TLR10: variants seen among roughly 807,000 people sequenced by gnomAD.
TLR10 encodes the protein toll like receptor 10, also known as toll-like receptor 10.
For synonymous variants in TLR10, 288 were observed against 338.8 expected (o/e 0.85, Z 1.65); for missense variants, 929 against 932.9 (o/e 1.00, Z 0.05).
intron 1 of TLR10, among the ~76,000 whole-genome samples, chr4:38,782,228 G>T (rs1725455054): frequency 6.6e-6 from 1 of 152,176 alleles, no homozygotes; most frequent in South Asian, 2.1e-4. Context: ...TCTGCTAGGT[G>T]CCACAAAGTT....
chr4:38,773,426 G>C lies in TLR10; in HGVS notation c.2165C>G (p.Ser722Cys). The C allele has an allele frequency of 6.2e-7, 1 of 1,612,608 alleles. No individual in the cohort carries two copies. The highest frequency in any genetic ancestry group is 8.5e-7 in the Non-Finnish European group (1 of 1,179,516). ...FAHHNLFHEN[S>C]DHIILILLEP... ...CAGTAAGATAAGAATTATATGATCAGAATTTTCATGGAAGAGATTGTGGTG... is the reference window on the plus strand; with the variant it reads ...CAGTAAGATAAGAATTATATGATCACAATTTTCATGGAAGAGATTGTGGTG... The change falls in exon 4 of 4, where the codon TCT becomes TGT. Residue 722 changes from serine (S) to cysteine (C), a missense_variant. Coordinates refer to ENST00000308973, the MANE Select transcript of TLR10 (RefSeq NM_030956.4).
At chr4:38,780,236 A>C (rs1360825622) in intron 1 of TLR10, among the ~76,000 whole-genome samples, 1 of 151,890 alleles carries the variant, frequency 6.6e-6, no homozygotes, top group African/African-American at 2.4e-5. Context: ...CCCTGTCTCT[A>C]CTAAAAAAAT....
intron 1 of TLR10, among the ~76,000 whole-genome samples, chr4:38,776,922 C>T (rs977407858): frequency 6.6e-6 from 1 of 152,136 alleles, no homozygotes; most frequent in Non-Finnish European, 1.5e-5. Context: ...TATGTGGCAG[C>T]AGGCAAGAGA....
chr4:38,779,195 C>T (rs1725247547), intron 1 of TLR10: 1 of 152,192 alleles, frequency 6.6e-6, no homozygotes, highest in African/African-American at 2.4e-5. Flanking sequence ...ACAATGTAAA[C>T]TTGGAGAATT....
Position 38,774,682 on chromosome 4 carries a change from T to C in TLR10, c.909A>G (p.Lys303=), listed in dbSNP as rs11466652. 0.14 allele frequency: 221,795 copies of C among 1,561,530 alleles called. 17,830 individuals carry two copies. The highest frequency in any genetic ancestry group is 0.29 in the African/African-American group (20,957 of 72,628). The change falls in exon 4 of 4, where the codon AAA becomes AAG. Residue 303 remains lysine, a synonymous_variant. Coordinates refer to ENST00000308973, the MANE Select transcript of TLR10 (RefSeq NM_030956.4). ...ACACTCTGAAATGTACATGCTCCAATTTTATAGTTCTCATTACAGTATTTG... is the reference window on the plus strand; with the variant it reads ...ACACTCTGAAATGTACATGCTCCAACTTTATAGTTCTCATTACAGTATTTG... The part of the protein sequence containing the change: ...DYSNTVMRTI[K]LEHVHFRVFY...
rs775170964 is a variant in TLR10 at position 38,782,773 on chromosome 4, C to T, written c.-569+148G>A. ...AGCCCCAAGGTCACTAATCATTAATCTAGACAAAATAGTAAATACTAAAAA... is the reference window on the plus strand; with the variant it reads ...AGCCCCAAGGTCACTAATCATTAATTTAGACAAAATAGTAAATACTAAAAA... On this transcript the variant is annotated intron_variant, in intron 1 of 3. Coordinates refer to ENST00000308973, the MANE Select transcript of TLR10 (RefSeq NM_030956.4). 3 of 152,352 alleles carry T rather than the reference C, an allele frequency of 2.0e-5. No homozygotes were observed. In the South Asian group the frequency reaches 6.2e-4, roughly 32 times the overall value. The allele number at this position is 152,352 out of a possible 1,614,324, so 9.4% of individuals were successfully genotyped here. A position where few individuals can be genotyped will look rare whatever the true frequency, so the allele number is the denominator to read the frequency against.
Position 38,773,043 on chromosome 4 carries a change from G to T in TLR10, c.*112C>A. On this transcript the variant is annotated 3_prime_UTR_variant, in exon 4 of 4. Coordinates refer to ENST00000308973, the MANE Select transcript of TLR10 (RefSeq NM_030956.4). ...ATCCTTCTAGAAACTGATATGAAGG[G>T]AATAACCATTTTTTATTTTAATAAA... 9.4e-7 allele frequency: 1 copy of T among 1,066,868 alleles called. No homozygotes were observed. The highest frequency in any genetic ancestry group is 1.2e-6 in the Non-Finnish European group (1 of 800,980). 66.1% of individuals were successfully genotyped at this position (1,066,868 alleles called of 1,614,324 possible). A position where few individuals can be genotyped will look rare whatever the true frequency, so the allele number is the denominator to read the frequency against.
rs1236257041 is a variant in TLR10 at position 38,774,524 on chromosome 4, G to A, written c.1067C>T (p.Ala356Val). ...YPTKFQYLNFANNILTDELFK... is the reference protein window; with the variant it reads ...YPTKFQYLNFVNNILTDELFK... ...CAACTCGTCTGTTAAGATATTATTG[G>A]CAAAATTTAAATATTGGAATTTCGT... The change falls in exon 4 of 4, where the codon GCC becomes GTC. Residue 356 changes from alanine (A) to valine (V), a missense_variant. By Grantham distance (64) the Ala-to-Val change is moderately conservative (BLOSUM62 0). Transcript: ENST00000308973. 1 of 1,583,106 alleles carries A rather than the reference G, an allele frequency of 6.3e-7. No individual in the cohort carries two copies. Among genetic ancestry groups the A allele is most frequent in the Non-Finnish European group, 8.6e-7 (1 of 1,168,628 alleles).
At chr4:38,780,894 T>C (rs1725368027) in intron 1 of TLR10, among the ~76,000 whole-genome samples, 1 of 152,162 alleles carries the variant, frequency 6.6e-6, no homozygotes, top group African/African-American at 2.4e-5. Context: ...AATGTTATCC[T>C]CTCATAGAGT....
rs1254058192 is a variant in TLR10, at chr4:38,772,945, C to T, written c.*210G>A. 5.0e-6 allele frequency: 2 copies of T among 400,904 alleles called. No homozygotes were observed. The highest frequency in any genetic ancestry group is 8.3e-6 in the Non-Finnish European group (2 of 240,580). The allele number at this position is 400,904 out of a possible 1,614,324, so 24.8% of individuals were successfully genotyped here. ...CACATTTTTCATGATTATAAACAAT[C>T]CTGGGATGAACACCTTTTTCCATAA... On this transcript the variant is annotated 3_prime_UTR_variant, in exon 4 of 4. Coordinates refer to ENST00000308973, the MANE Select transcript of TLR10 (RefSeq NM_030956.4).
intron 1 of TLR10, among the ~76,000 whole-genome samples, chr4:38,776,701 C>T (rs1278286966): frequency 6.6e-6 from 1 of 152,122 alleles, no homozygotes; most frequent in Non-Finnish European, 1.5e-5. Context: ...TTATTAAGTA[C>T]CTATTCTGCC....
intron 1 of TLR10, among the ~76,000 whole-genome samples, chr4:38,779,510 A>C (rs1725266649): frequency 1.3e-5 from 2 of 152,222 alleles, no homozygotes; most frequent in Admixed American, 6.5e-5. Context: ...AAACAGGTGA[A>C]TATTCTATTT....
At chr4:38,780,569 AATGT>A (rs1725342790) in intron 1 of TLR10, among the ~76,000 whole-genome samples, 1 of 152,164 alleles carries the variant, frequency 6.6e-6, no homozygotes, top group South Asian at 2.1e-4. Context: ...GGCATAAGAC[AATGT>A]ATGTAAGTCA....
Position 38,775,763 on chromosome 4 carries a change from T to C in TLR10, c.-63+12A>G. 1 of 614,756 alleles carries C rather than the reference T, an allele frequency of 1.6e-6. No homozygotes were observed. The highest frequency in any genetic ancestry group is 3.6e-5 in the Admixed American group (1 of 28,024). The allele number at this position is 614,756 out of a possible 1,614,324, so 38.1% of individuals were successfully genotyped here. The stretch of plus-strand genomic sequence containing the variant: ...GACTACATTCATCAAGAGGTTGGAG[T>C]AAGGTTCCAACCTGTATATTGGGTC... On this transcript the variant is annotated intron_variant, in intron 3 of 3. Transcript: ENST00000308973.
intron 1 of TLR10, among the ~76,000 whole-genome samples, chr4:38,777,983 TA>T (rs1426077975): frequency 6.6e-6 from 1 of 152,172 alleles, no homozygotes; most frequent in Non-Finnish European, 1.5e-5. Flanking sequence ...CATTCTACTA[TA>T]AAGATACATG....
At chr4:38,781,052 C>T (rs560443104) in intron 1 of TLR10, among the ~76,000 whole-genome samples, 1 of 152,174 alleles carries the variant, frequency 6.6e-6, no homozygotes, top group Non-Finnish European at 1.5e-5. Flanking sequence ...TTCCCCCTGC[C>T]CAATACCACA....
At chr4:38,780,633 A>G (rs1041160089) in intron 1 of TLR10, among the ~76,000 whole-genome samples, 2 of 144,182 alleles carry the variant, frequency 1.4e-5, no homozygotes, top group East Asian at 2.2e-4. Flanking sequence ...GGCAGTTATC[A>G]GGTCAAGACT....
intron 1 of TLR10, among the ~76,000 whole-genome samples, chr4:38,778,009 T>C (rs1475009039): frequency 1.3e-5 from 2 of 152,342 alleles, no homozygotes; most frequent in African/African-American, 2.4e-5. Flanking sequence ...CACGTGTTTA[T>C]TGCAGCACTA....
intron 1 of TLR10, among the ~76,000 whole-genome samples, chr4:38,780,944 A>C (rs181030972): frequency 2.6e-5 from 4 of 152,288 alleles, no homozygotes; most frequent in African/African-American, 9.6e-5. Context: ...TCTAGGTCTT[A>C]GAGCCATGGC....
Sources: allele counts gnomAD v4.1 joint callset (sites outside exome capture counted in the v4.1 genomes callset), GRCh38; gene constraint gnomAD v4.1.1; transcripts MANE v1.5; gene names NCBI Gene and HGNC (gene_info 2026-07-23, HGNC 2026-07-21).